Variants in GHR observed in about 807,000 individuals in gnomAD.
GHR encodes the protein growth hormone receptor.
In GHR, 35 loss-of-function variants were observed where a neutral mutation model predicts 67.1. The ratio of observed to expected loss-of-function variants is 0.52; its 90% CI spans 0.40 to 0.69. GHR has a LOEUF of 0.69. Ranked by LOEUF, GHR falls within the 30% of genes least tolerant of loss-of-function variation. GHR has a pLI of 0.00. For missense variants in GHR, 792 were observed against 764.6 expected, an observed-to-expected ratio of 1.04 and a Z score of -0.42; for synonymous variants, 272 against 269.1, an observed-to-expected ratio of 1.01 and a Z score of -0.10.
chr5:42,515,865 G>A (rs945308662), intron 1 of GHR, among the ~76,000 whole-genome samples: 4 of 152,182 alleles, frequency 2.6e-5, no homozygotes, highest in African/African-American at 9.7e-5. Context: ...TAGGTATGTT[G>A]ATCTTGTAGG....
At chr5:42,567,094 C>T (rs1465529191) in intron 2 of GHR, among the ~76,000 whole-genome samples, 1 of 152,184 alleles carries the variant, frequency 6.6e-6, no homozygotes, top group Non-Finnish European at 1.5e-5. Flanking sequence ...ATTTCAGCAG[C>T]TTTTCCCATG....
At chr5:42,470,173 TTATATATTA>T (rs1251204127) in intron 1 of GHR, among the ~76,000 whole-genome samples, 1 of 139,036 alleles carries the variant, frequency 7.2e-6, no homozygotes, top group East Asian at 2.3e-4. Flanking sequence ...TAAGATATAA[TTATATATTA>T]TATACTATTA....
At chr5:42,529,451 C>T (rs1360109613) in intron 1 of GHR, among the ~76,000 whole-genome samples, 2 of 152,142 alleles carry the variant, frequency 1.3e-5, no homozygotes, top group Non-Finnish European at 2.9e-5. Flanking sequence ...TTTTGACATA[C>T]ATTCTTCTTT....
intron 2 of GHR, among the ~76,000 whole-genome samples, chr5:42,624,582 T>C (rs953839353): frequency 6.6e-6 from 1 of 152,270 alleles, no homozygotes; most frequent in African/African-American, 2.4e-5. Context: ...GAGATAAGTA[T>C]ACATCCATGA....
At chr5:42,642,659 G>A (rs535181425) in intron 3 of GHR, among the ~76,000 whole-genome samples, 1 of 152,242 alleles carries the variant, frequency 6.6e-6, no homozygotes, top group East Asian at 1.9e-4. Flanking sequence ...CTTCATTGCT[G>A]GAGCTTAGGC....
At chr5:42,611,169 T>C (rs1406268433) in intron 2 of GHR, among the ~76,000 whole-genome samples, 1 of 152,174 alleles carries the variant, frequency 6.6e-6, no homozygotes, top group Non-Finnish European at 1.5e-5. Flanking sequence ...TGCCCTTAGA[T>C]ATGTGATCTT....
chr5:42,433,732 AT>A (rs35539827), intron 1 of GHR, among the ~76,000 whole-genome samples: 8,392 of 77,556 alleles, frequency 0.11, 168 homozygotes, highest in Middle Eastern at 0.2. Flanking sequence ...AAGATATGGT[AT>A]TTTTTTTTTT....
chr5:42,594,638 A>G (rs1751971134), intron 2 of GHR, among the ~76,000 whole-genome samples: 1 of 152,278 alleles, frequency 6.6e-6, no homozygotes, highest in African/African-American at 2.4e-5. Flanking sequence ...TTAGAACACA[A>G]ACACTGTCAC....
At chr5:42,481,804 T>G (rs1745652864) in intron 1 of GHR, among the ~76,000 whole-genome samples, 1 of 152,188 alleles carries the variant, frequency 6.6e-6, no homozygotes, top group South Asian at 2.1e-4. Flanking sequence ...TTCAAAGTTT[T>G]TAACTTCTTT....
chr5:42,507,603 G>A (rs570396147), intron 1 of GHR, among the ~76,000 whole-genome samples: 1 of 152,288 alleles, frequency 6.6e-6, no homozygotes, highest in South Asian at 2.1e-4. Flanking sequence ...GACTTCAAGG[G>A]GAAATGTACA....
intron 1 of GHR, among the ~76,000 whole-genome samples, chr5:42,433,125 T>A (rs1484209744): frequency 1.3e-5 from 2 of 152,212 alleles, no homozygotes; most frequent in Non-Finnish European, 2.9e-5. Context: ...TGGAGCAAGA[T>A]GGATATATGT....
At chr5:42,526,870 G>A (rs374541370) in intron 1 of GHR, among the ~76,000 whole-genome samples, 2 of 152,130 alleles carry the variant, frequency 1.3e-5, no homozygotes, top group African/African-American at 4.8e-5. Context: ...ACCCCATCGG[G>A]CCAACAACAG....
rs530949815 is a variant in GHR, at chr5:42,591,469, G to A, written c.70+25525G>A. Among the ~76,000 whole-genome samples the A allele has an allele frequency of 2.6e-5, 4 of 152,340 alleles. No individual in the cohort carries two copies. In the South Asian group the frequency reaches 8.3e-4, roughly 32 times the overall value. On this transcript the variant is annotated intron_variant, in intron 2 of 9. Transcript: ENST00000230882. The stretch of plus-strand genomic sequence containing the variant: ...AGTTCTTATAGCTGCGATTGGAAGG[G>A]ATGGAAGGTGAGGAAGAAGAGCTGG...
At chr5:42,527,368 A>T (rs1451457420) in intron 1 of GHR, among the ~76,000 whole-genome samples, 1 of 152,214 alleles carries the variant, frequency 6.6e-6, no homozygotes, top group Non-Finnish European at 1.5e-5. Context: ...GTGGAGGAAA[A>T]TCTACCAGGC....
chr5:42,564,625 C>T (rs150368739), intron 1 of GHR, among the ~76,000 whole-genome samples: 36 of 152,268 alleles, frequency 2.4e-4, no homozygotes, highest in Non-Finnish European at 4.1e-4. Flanking sequence ...CCTCTGCTGT[C>T]TAGAAATTAA....
intron 1 of GHR, among the ~76,000 whole-genome samples, chr5:42,557,627 G>A (rs1033331483): frequency 6.6e-6 from 1 of 152,044 alleles, no homozygotes; most frequent in Admixed American, 6.6e-5. Context: ...GTAGAGCTGG[G>A]ATTTGAACCT....
At chr5:42,480,878 C>T (rs911919010) in intron 1 of GHR, among the ~76,000 whole-genome samples, 2 of 152,116 alleles carry the variant, frequency 1.3e-5, no homozygotes, top group African/African-American at 4.8e-5. Context: ...GAGCATTTAG[C>T]CCATTTACAT....
At chr5:42,643,444 T>C (rs1754577927) in intron 3 of GHR, among the ~76,000 whole-genome samples, 1 of 152,200 alleles carries the variant, frequency 6.6e-6, no homozygotes, top group African/African-American at 2.4e-5. Flanking sequence ...ATGCTGCTGG[T>C]GATCATGGCA....
At chr5:42,647,654 G>A (rs766285179) in intron 3 of GHR, 2 of 452,136 alleles carry the variant, frequency 4.4e-6, no homozygotes, top group Non-Finnish European at 8.9e-6. Flanking sequence ...ACTTCTAGGA[G>A]TCTTACATGC....
Sources: allele counts gnomAD v4.1 joint callset (sites outside exome capture counted in the v4.1 genomes callset), GRCh38; gene constraint gnomAD v4.1.1; transcripts MANE v1.5; gene names NCBI Gene and HGNC (gene_info 2026-07-23, HGNC 2026-07-21).